Variants in GUCY1A2 observed in about 807,000 individuals in gnomAD.
The protein encoded by GUCY1A2 is guanylate cyclase 1 soluble subunit alpha 2, also known as guanylate cyclase soluble subunit alpha-2.
GUCY1A2 carries 27 observed loss-of-function variants against 63.5 expected under a neutral mutation model. That is an observed-to-expected ratio of 0.43 (90% CI 0.31 to 0.59). GUCY1A2 has a LOEUF of 0.59. Ranked by LOEUF, GUCY1A2 falls within the 20% of genes least tolerant of loss-of-function variation. GUCY1A2 has a pLI of 0.11. For missense variants in GUCY1A2, 768 were observed against 913.3 expected (o/e 0.84, Z 2.05); for synonymous variants, 364 against 343.5 (o/e 1.06, Z -0.66).
At chr11:106,793,702 A>G (rs891819158) in intron 5 of GUCY1A2, among the ~76,000 whole-genome samples, 1 of 152,140 alleles carries the variant, frequency 6.6e-6, no homozygotes, top group East Asian at 1.9e-4. Flanking sequence ...GGACCTGAAT[A>G]AACAGTTTTC....
At chr11:106,853,005 T>A (rs1223506001) in intron 4 of GUCY1A2, among the ~76,000 whole-genome samples, 1 of 152,166 alleles carries the variant, frequency 6.6e-6, no homozygotes, top group Non-Finnish European at 1.5e-5. Flanking sequence ...TGTTGGAAAA[T>A]CTGCTGTTAG....
intron 1 of GUCY1A2, among the ~76,000 whole-genome samples, chr11:107,011,951 T>C (rs1861752084): frequency 6.6e-6 from 1 of 152,134 alleles, no homozygotes; most frequent in Non-Finnish European, 1.5e-5. Context: ...TGAAGAATGC[T>C]TGGAATTCTT....
intron 6 of GUCY1A2, among the ~76,000 whole-genome samples, chr11:106,760,996 A>G (rs935067316): frequency 6.6e-6 from 1 of 152,156 alleles, no homozygotes; most frequent in African/African-American, 2.4e-5. Flanking sequence ...TCTGCCACAG[A>G]TTTGTGCAAT....
At chr11:106,773,118 G>T (rs1225972628) in intron 6 of GUCY1A2, among the ~76,000 whole-genome samples, 6 of 151,112 alleles carry the variant, frequency 4.0e-5, no homozygotes, top group Non-Finnish European at 8.8e-5. Context: ...CTTCCCTATT[G>T]TATCCTCTTA....
chr11:106,833,869 C>T (rs148909554), intron 4 of GUCY1A2, among the ~76,000 whole-genome samples: 19 of 152,066 alleles, frequency 1.2e-4, no homozygotes, highest in African/African-American at 4.3e-4. Flanking sequence ...AAGAGCTATG[C>T]AGTAGTCTCC....
chr11:106,946,549 G>A (rs555485314), intron 3 of GUCY1A2, among the ~76,000 whole-genome samples: 70 of 152,032 alleles, frequency 4.6e-4, no homozygotes, highest in Middle Eastern at 3.4e-3. Context: ...GAAACTGCAA[G>A]AAAAAAAGCA....
intron 4 of GUCY1A2, among the ~76,000 whole-genome samples, chr11:106,854,780 G>GCA (rs1859404985): frequency 6.6e-6 from 1 of 152,134 alleles, no homozygotes; most frequent in Non-Finnish European, 1.5e-5. Flanking sequence ...CTATGAAGGT[G>GCA]CACACAGTTG....
intron 1 of GUCY1A2, among the ~76,000 whole-genome samples, chr11:107,009,900 A>C (rs530114189): frequency 7.2e-5 from 11 of 152,292 alleles, no homozygotes; most frequent in African/African-American, 2.4e-4. Flanking sequence ...CATGCTGAGC[A>C]ATTACCTGGA....
In GUCY1A2 at chr11:106,684,805, C is replaced by T. The variant is rs917842914; in HGVS notation, c.*2744G>A. ...TTCTTGTATCTGCCATACTAAAATG[C>T]ATGCTGTTGGTAATAGTTTGTAAGT... On this transcript the variant is annotated 3_prime_UTR_variant, in exon 8 of 8. Coordinates refer to ENST00000526355, the MANE Select transcript of GUCY1A2 (RefSeq NM_000855.3). The T allele has an allele frequency of 2.4e-5, 5 of 209,988 alleles. No homozygotes were observed. The highest frequency in any genetic ancestry group is 4.8e-5 in the Non-Finnish European group (5 of 103,414). The allele number at this position is 209,988 out of a possible 1,614,324, so 13.0% of individuals were successfully genotyped here.
chr11:106,966,101 C>A (rs1169141746), intron 3 of GUCY1A2, among the ~76,000 whole-genome samples: 2 of 151,636 alleles, frequency 1.3e-5, no homozygotes, highest in African/African-American at 4.8e-5. Context: ...GCTTATTTTT[C>A]TTCTCTTTTC....
intron 6 of GUCY1A2, among the ~76,000 whole-genome samples, chr11:106,756,817 T>C (rs1863982695): frequency 6.6e-6 from 1 of 152,190 alleles, no homozygotes; most frequent in South Asian, 2.1e-4. Context: ...ATCTGACGAT[T>C]ATGTTTCTTG....
At chr11:106,934,225 A>G (rs1212960117) in intron 4 of GUCY1A2, among the ~76,000 whole-genome samples, 1 of 152,240 alleles carries the variant, frequency 6.6e-6, no homozygotes, top group Non-Finnish European at 1.5e-5. Context: ...ACAAGAACAG[A>G]GTGAACTCCA....
At chr11:106,827,803 C>A in intron 4 of GUCY1A2, 6 of 1,584,360 alleles carry the variant, frequency 3.8e-6, no homozygotes, top group South Asian at 2.2e-5. Context: ...AAGTGAGTAG[C>A]CAACTGCTCC....
intron 5 of GUCY1A2, among the ~76,000 whole-genome samples, chr11:106,783,716 G>A (rs555963879): frequency 1.3e-5 from 2 of 152,178 alleles, no homozygotes; most frequent in East Asian, 1.9e-4. Context: ...CTGAAGTAGA[G>A]GTTTGTTCAA....
chr11:106,810,347 A>G lies in GUCY1A2; in HGVS notation c.1338T>C (p.His446=). Residue 446 remains histidine, a synonymous_variant, in exon 5 of 8, where the codon CAT becomes CAC. Coordinates refer to ENST00000526355, the MANE Select transcript of GUCY1A2 (RefSeq NM_000855.3). The stretch of plus-strand genomic sequence containing the variant: ...CCAAAATGACATCTCGGGTGGCATC[A>G]TGGATAGGGATGTCTGAGAGATGTA... ...RGLHLSDIPI[H]DATRDVILVG... 1 of 1,613,898 alleles carries G rather than the reference A, an allele frequency of 6.2e-7. No individual in the cohort carries two copies. The highest frequency in any genetic ancestry group is 8.5e-7 in the Non-Finnish European group (1 of 1,179,898).
chr11:106,821,311 T>C (rs1256430202), intron 4 of GUCY1A2, among the ~76,000 whole-genome samples: 1 of 152,214 alleles, frequency 6.6e-6, no homozygotes, highest in Non-Finnish European at 1.5e-5. Context: ...TTATATGCAG[T>C]CTTTAATACC....
intron 4 of GUCY1A2, among the ~76,000 whole-genome samples, chr11:106,848,290 GCACA>G (rs1448636458): frequency 6.6e-6 from 1 of 151,548 alleles, no homozygotes; most frequent in Non-Finnish European, 1.5e-5. Flanking sequence ...GCAAGCATAA[GCACA>G]CAATCAGTGA....
At position 106,676,511 on chromosome 11, in the gene GUCY1A2, C is replaced by T. The variant is rs960892721; in HGVS notation, c.*11038G>A. On this transcript the variant is annotated 3_prime_UTR_variant, in exon 8 of 8. Coordinates refer to ENST00000526355, the MANE Select transcript of GUCY1A2 (RefSeq NM_000855.3). ...ACACAGAGCTAAGAAATATGGAATA[C>T]ATTGTATATTGCTTTTTCAATAGAG... 5.4e-6 allele frequency: 1 copy of T among 186,274 alleles called. No individual in the cohort carries two copies. Among genetic ancestry groups the T allele is most frequent in the Non-Finnish European group, 1.1e-5 (1 of 88,292 alleles). 11.5% of individuals were successfully genotyped at this position (186,274 alleles called of 1,614,324 possible). A position where few individuals can be genotyped will look rare whatever the true frequency, so the allele number is the denominator to read the frequency against.
chr11:106,761,005 A>G (rs901475702), intron 6 of GUCY1A2, among the ~76,000 whole-genome samples: 4 of 152,132 alleles, frequency 2.6e-5, no homozygotes, highest in African/African-American at 9.7e-5. Context: ...GATTTGTGCA[A>G]TTTTCCACCT....
Sources: gnomAD v4.1 joint callset for allele counts (sites outside exome capture counted in the v4.1 genomes callset) on GRCh38, gnomAD v4.1.1 for gene constraint, MANE v1.5 for transcripts, NCBI Gene and HGNC (gene_info 2026-07-23, HGNC 2026-07-21) for gene names.